Variants in MAPK12 observed in about 807,000 individuals in gnomAD.
The protein encoded by MAPK12 is mitogen-activated protein kinase 12.
MAPK12 carries 49 observed loss-of-function variants against 49.1 expected under a neutral mutation model. The ratio of observed to expected loss-of-function variants is 1.00; its 90% CI spans 0.79 to 1.27. The LOEUF is 1.27. Ranked by LOEUF, MAPK12 falls within the 50% of genes most tolerant of loss-of-function variation. MAPK12 has a pLI of 0.00. For missense variants in MAPK12, 554 were observed against 502.4 expected, an observed-to-expected ratio of 1.10 and a Z score of -0.98; for synonymous variants, 251 against 209.7, an observed-to-expected ratio of 1.20 and a Z score of -1.70.
rs773557195 is a variant in MAPK12 at position 50,256,179 on chromosome 22, G to A, written c.525C>T (p.Ala175=). 2 of 1,612,484 alleles carry A rather than the reference G, an allele frequency of 1.2e-6. No homozygotes were observed. The highest frequency in any genetic ancestry group is 4.5e-5 in the East Asian group (2 of 44,886). Residue 175 remains alanine (A), a synonymous_variant, in exon 7 of 12, where the codon GCC becomes GCT. Transcript: ENST00000215659. ...CAGTCATCTCACTGTCTGCCTGCCT[G>A]GCCAGGCCGAAGTCCAGGATCTGTG... The part of the protein sequence containing the change: ...CELKILDFGL[A]RQADSEMTGY...
At chr22:50,258,183 C>G in intron 3 of MAPK12, 60 bp downstream of exon 3, 1 of 1,528,702 alleles carries the variant, frequency 6.5e-7, no homozygotes. Flanking sequence ...AACCTGAAGC[C>G]AGTGCCCAGA....
intron 3 of MAPK12, chr22:50,257,611 T>TGCCTGGGGGCGATGGGGGCGCGGCAAG: frequency 1.8e-6 from 1 of 558,432 alleles, no homozygotes. Flanking sequence ...ATGAGGGAGG[T>TGCCTGGGGGCGATGGGGGCGCGGCAAG]GCCTGGGGGC....
At chr22:50,257,669 G>A (rs2065164245) in intron 3 of MAPK12, 1 of 592,368 alleles carries the variant, frequency 1.7e-6, no homozygotes, top group Non-Finnish European at 3.0e-6. Context: ...GGCTGGGCCG[G>A]TGGAGACAGA....
Position 50,257,070 on chromosome 22 carries a change from C to T in MAPK12, c.426+12G>A, listed in dbSNP as rs775420472. ...CTGCCTGCCTCCCTGCAGCCTCCCCCGGGGCCCGTACCCTCAGCCCCTTCA... is the reference window on the plus strand; with the variant it reads ...CTGCCTGCCTCCCTGCAGCCTCCCCTGGGGCCCGTACCCTCAGCCCCTTCA... On this transcript the variant is annotated intron_variant, in intron 4 of 11. Transcript: ENST00000215659. 68 of 1,610,808 alleles carry T rather than the reference C, an allele frequency of 4.2e-5. No homozygotes were observed. In the Middle Eastern group the frequency reaches 8.3e-4, roughly 20 times the overall value.
chr22:50,258,383 A>C (rs997227635), intron 2 of MAPK12, 82 bp from the exon 3 acceptor site: 1 of 1,178,988 alleles, frequency 8.5e-7, no homozygotes, highest in Non-Finnish European at 1.3e-6. Flanking sequence ...CCCTCTGGGC[A>C]GGAAACCCCC....
rs1285604792 is a variant in MAPK12, at chr22:50,255,389, C to G, written c.851-19G>C. On this transcript the variant is annotated intron_variant, in intron 10 of 11. Transcript: ENST00000215659. ...TTCACAGCTGCGGGGGAAGGTGCATCAGGCCAGACCACGGGAGGCCCCACA... is the reference window on the plus strand; with the variant it reads ...TTCACAGCTGCGGGGGAAGGTGCATGAGGCCAGACCACGGGAGGCCCCACA... 6.2e-7 allele frequency: 1 copy of G among 1,612,802 alleles called. No homozygotes were observed. The highest frequency in any genetic ancestry group is 2.2e-5 in the East Asian group (1 of 44,880).
At chr22:50,256,005 C>A in intron 7 of MAPK12, 80 bp downstream of exon 7, 2 of 1,510,212 alleles carry the variant, frequency 1.3e-6, no homozygotes, top group Admixed American at 1.7e-5. Context: ...CTGGGAGCAG[C>A]CACCACAGGG....
intron 9 of MAPK12, 37 bp downstream of exon 9, chr22:50,255,578 G>GCCCCCCCCCCCCCCCCCCCCCCCCCACAC: frequency 6.3e-7 from 1 of 1,582,014 alleles, no homozygotes; most frequent in Non-Finnish European, 8.7e-7. Flanking sequence ...GCCCAGGTCC[G>GCCCCCCCCCCCCCCCCCCCCCCCCCACAC]CCCCCACCCC....
At chr22:50,256,822 G>A (rs2065155104) in intron 5 of MAPK12, 113 bp downstream of exon 5, 21 of 1,530,312 alleles carry the variant, frequency 1.4e-5, no homozygotes, top group Non-Finnish European at 1.8e-5. Context: ...CAGGGGCTGT[G>A]CATAGGGCGT....
At chr22:50,257,017 G>C (rs2065157692) in intron 4 of MAPK12, 53 bp from the exon 5 acceptor site, 2 of 1,603,532 alleles carry the variant, frequency 1.2e-6, no homozygotes, top group East Asian at 4.5e-5. Context: ...CAGAGCCACA[G>C]GGCCCTCCTC....
At chr22:50,259,779 G>A (rs999805310) in intron 2 of MAPK12, among the ~76,000 whole-genome samples, 3 of 152,010 alleles carry the variant, frequency 2.0e-5, no homozygotes, top group East Asian at 1.9e-4. Flanking sequence ...AGCTACTGAG[G>A]AGGCTGAAGC....
intron 7 of MAPK12, 73 bp downstream of exon 7, chr22:50,256,012 A>G: frequency 6.6e-7 from 1 of 1,525,906 alleles, no homozygotes; most frequent in Non-Finnish European, 9.0e-7. Flanking sequence ...CAGCCACCAC[A>G]GGGCTGTCCG....
chr22:50,257,812 T>C (rs2065165520), intron 3 of MAPK12: 1 of 716,322 alleles, frequency 1.4e-6, no homozygotes, highest in Non-Finnish European at 2.6e-6. Flanking sequence ...AGGGTGTGAG[T>C]CCCAGGGTGG....
chr22:50,260,261 G>A lies in MAPK12; in HGVS notation c.255+906C>T, dbSNP rs559123056. 1.3e-3 allele frequency among the ~76,000 whole-genome samples: 133 copies of A among 105,078 alleles called. 1 individual carries two copies. The highest frequency in any genetic ancestry group is 1.3e-3 in the Non-Finnish European group (65 of 48,262). The allele number at this position is 105,078 out of a possible 152,430, so 68.9% of individuals were successfully genotyped here. A position where few individuals can be genotyped will look rare whatever the true frequency, so the allele number is the denominator to read the frequency against. On this transcript the variant is annotated intron_variant, in intron 2 of 11. Coordinates refer to ENST00000215659, the MANE Select transcript of MAPK12 (RefSeq NM_002969.6). ...TTGCTGGTGGACGGGGCACTTTGCT[G>A]GTGGACGCAGGGACTCGTTCTCCCA...
intron 3 of MAPK12, chr22:50,257,516 T>C: frequency 1.9e-6 from 1 of 526,636 alleles, no homozygotes; most frequent in East Asian, 3.3e-5. Context: ...GGGCTGAGGC[T>C]CCATGGTAGA....
At chr22:50,260,929 G>T (rs1217145032) in intron 2 of MAPK12, 1 of 395,606 alleles carries the variant, frequency 2.5e-6, no homozygotes, top group Non-Finnish European at 4.5e-6. Flanking sequence ...CTGAGGCGCC[G>T]AGTCAAGGGG....
intron 2 of MAPK12, among the ~76,000 whole-genome samples, chr22:50,259,968 G>C (rs1028891031): frequency 6.7e-6 from 1 of 148,698 alleles, no homozygotes; most frequent in Non-Finnish European, 1.5e-5. Context: ...GGTGGGAGCA[G>C]GGGGCCGTGG....
intron 2 of MAPK12, among the ~76,000 whole-genome samples, chr22:50,258,774 A>C (rs1452829723): frequency 2.6e-5 from 4 of 152,226 alleles, no homozygotes; most frequent in Non-Finnish European, 5.9e-5. Flanking sequence ...GGGGAGATAG[A>C]CAGTAGACAG....
At chr22:50,261,318 G>T (rs1489476983) in intron 1 of MAPK12, 22 bp from the exon 2 acceptor site, 1 of 1,346,198 alleles carries the variant, frequency 7.4e-7, no homozygotes. Context: ...ACCGCTTAGC[G>T]GGAAGGCCGG....
Sources: gnomAD v4.1 joint callset for allele counts (sites outside exome capture counted in the v4.1 genomes callset) on GRCh38, gnomAD v4.1.1 for gene constraint, MANE v1.5 for transcripts, NCBI Gene and HGNC (gene_info 2026-07-23, HGNC 2026-07-21) for gene names.